CHRM3: variants seen among roughly 807,000 people sequenced by gnomAD.
CHRM3 encodes cholinergic receptor muscarinic 3.
Under a neutral mutation model 41.8 loss-of-function variants are expected in CHRM3, and 11 were observed. The ratio of observed to expected loss-of-function variants is 0.26; its 90% CI spans 0.17 to 0.44. The LOEUF (loss-of-function observed/expected upper bound fraction) is 0.44, where lower values mean the gene tolerates loss of function less well. Among genes scored for constraint, CHRM3 ranks in the 20% least tolerant of loss-of-function variants. The pLI is 1.00. For missense variants in CHRM3, 571 were observed against 745.4 expected, an observed-to-expected ratio of 0.77 and a Z score of 2.72; for synonymous variants, 297 against 301.4, an observed-to-expected ratio of 0.99 and a Z score of 0.15.
At chr1:239,459,301 G>A (rs534198758) in intron 1 of CHRM3, among the ~76,000 whole-genome samples, 15 of 152,050 alleles carry the variant, frequency 9.9e-5, no homozygotes, top group East Asian at 3.9e-4. Flanking sequence ...ATTTATATTC[G>A]TTTTGCTACA....
intron 1 of CHRM3, among the ~76,000 whole-genome samples, chr1:239,462,986 C>A (rs1665467101): frequency 1.3e-5 from 2 of 152,178 alleles, no homozygotes. Context: ...GCCCTAATTT[C>A]TAGAAAAGGC....
At chr1:239,699,528 C>T (rs1224576300) in intron 5 of CHRM3, among the ~76,000 whole-genome samples, 3 of 152,152 alleles carry the variant, frequency 2.0e-5, no homozygotes, top group Admixed American at 2.0e-4. Context: ...TGATCTTGGA[C>T]TTCCCAGACT....
chr1:239,881,408 G>GA (rs892453856), intron 6 of CHRM3, among the ~76,000 whole-genome samples: 61 of 149,546 alleles, frequency 4.1e-4, no homozygotes, highest in African/African-American at 5.6e-4. Flanking sequence ...AAAGGGAAAG[G>GA]AAAAAAAAAT....
intron 2 of CHRM3, among the ~76,000 whole-genome samples, chr1:239,503,477 A>G (rs912859203): frequency 6.6e-6 from 1 of 152,194 alleles, no homozygotes; most frequent in Non-Finnish European, 1.5e-5. Context: ...GAAAGCAACC[A>G]TACTGCCAAA....
chr1:239,491,145 C>G (rs997512934), intron 1 of CHRM3, among the ~76,000 whole-genome samples: 2 of 152,190 alleles, frequency 1.3e-5, no homozygotes, highest in African/African-American at 4.8e-5. Flanking sequence ...ATCCATCCGT[C>G]CACATTAGCA....
chr1:239,528,358 GA>G (rs1670144333), intron 2 of CHRM3, among the ~76,000 whole-genome samples: 1 of 152,172 alleles, frequency 6.6e-6, no homozygotes, highest in Non-Finnish European at 1.5e-5. Flanking sequence ...CTTCTGACAA[GA>G]GGATAAATGC....
chr1:239,701,952 T>A (rs757785967), intron 5 of CHRM3, among the ~76,000 whole-genome samples: 4 of 152,202 alleles, frequency 2.6e-5, no homozygotes, highest in Non-Finnish European at 4.4e-5. Context: ...TTGTTTATGT[T>A]AATCACTCTA....
chr1:239,670,203 C>T (rs1308028032), intron 4 of CHRM3, among the ~76,000 whole-genome samples: 1 of 152,102 alleles, frequency 6.6e-6, no homozygotes, highest in African/African-American at 2.4e-5. Context: ...ATATTTTCAC[C>T]ATCACGCCAA....
At chr1:239,491,101 A>G (rs1254900894) in intron 1 of CHRM3, among the ~76,000 whole-genome samples, 1 of 152,128 alleles carries the variant, frequency 6.6e-6, no homozygotes, top group Admixed American at 6.5e-5. Context: ...ACAGTGTGAT[A>G]TTTCCATACA....
intron 3 of CHRM3, among the ~76,000 whole-genome samples, chr1:239,559,646 G>T (rs140696097): frequency 6.6e-6 from 1 of 152,170 alleles, no homozygotes; most frequent in Non-Finnish European, 1.5e-5. Context: ...TGTTAGTTGC[G>T]AGAAGCTGGC....
chr1:239,579,465 G>A (rs540192837), intron 3 of CHRM3, among the ~76,000 whole-genome samples: 20 of 152,032 alleles, frequency 1.3e-4, no homozygotes, highest in African/African-American at 3.6e-4. Flanking sequence ...ATTTTATTTC[G>A]AAGGTCACCA....
chr1:239,567,305 G>GAA (rs34425115), intron 3 of CHRM3, among the ~76,000 whole-genome samples: 242 of 140,778 alleles, frequency 1.7e-3, no homozygotes, highest in Non-Finnish European at 2.4e-3. Flanking sequence ...GACCTCATCT[G>GAA]AAAAAAAAAA....
At chr1:239,392,470 C>T (rs1454620502) in intron 1 of CHRM3, among the ~76,000 whole-genome samples, 1 of 152,186 alleles carries the variant, frequency 6.6e-6, no homozygotes, top group Admixed American at 6.5e-5. Context: ...GCCATGACAT[C>T]GTCTACCTTC....
At chr1:239,639,482 C>G (rs1404426902) in intron 4 of CHRM3, among the ~76,000 whole-genome samples, 1 of 152,146 alleles carries the variant, frequency 6.6e-6, no homozygotes, top group African/African-American at 2.4e-5. Context: ...TCCTTCACAT[C>G]CCTAGTAAGT....
chr1:239,884,462 G>A (rs1448437372), intron 6 of CHRM3, among the ~76,000 whole-genome samples: 1 of 152,218 alleles, frequency 6.6e-6, no homozygotes, highest in Non-Finnish European at 1.5e-5. Flanking sequence ...CTGGCCAGGA[G>A]AACTGTGAGA....
intron 3 of CHRM3, among the ~76,000 whole-genome samples, chr1:239,553,952 G>A (rs1660104983): frequency 6.6e-6 from 1 of 152,040 alleles, no homozygotes; most frequent in South Asian, 2.1e-4. Flanking sequence ...GCAGTGGCAT[G>A]ATCTCGGTTC....
At chr1:239,741,110 A>C (rs535964708) in intron 5 of CHRM3, among the ~76,000 whole-genome samples, 4 of 152,318 alleles carry the variant, frequency 2.6e-5, no homozygotes, top group South Asian at 4.1e-4. Context: ...AACAAAAATT[A>C]ACAGGAGAAA....
intron 4 of CHRM3, among the ~76,000 whole-genome samples, chr1:239,636,534 C>G (rs1018601078): frequency 2.6e-5 from 4 of 152,192 alleles, no homozygotes; most frequent in Non-Finnish European, 5.9e-5. Context: ...GGTTACATTA[C>G]AGCAATTCTG....
At chr1:239,540,026 GA>G (rs1658600749) in intron 2 of CHRM3, among the ~76,000 whole-genome samples, 2 of 152,154 alleles carry the variant, frequency 1.3e-5, no homozygotes, top group African/African-American at 4.8e-5. Flanking sequence ...GTGCTGTATA[GA>G]AAGCCTAGGT....
Sources: gnomAD v4.1 joint callset for allele counts (sites outside exome capture counted in the v4.1 genomes callset) on GRCh38, gnomAD v4.1.1 for gene constraint, MANE v1.5 for transcripts, NCBI Gene and HGNC (gene_info 2026-07-23, HGNC 2026-07-21) for gene names.